Variants in TOPAZ1 observed in about 807,000 individuals in gnomAD.
TOPAZ1 encodes testis and ovary specific TOPAZ 1.
Under a neutral mutation model 172.2 loss-of-function variants are expected in TOPAZ1, and 66 were observed. That is an observed-to-expected ratio of 0.38 (90% CI 0.31 to 0.47). The LOEUF is 0.47. Among genes scored for constraint, TOPAZ1 ranks in the 20% least tolerant of loss-of-function variants. TOPAZ1 has a pLI of 0.99. For missense variants in TOPAZ1, 1,822 were observed against 1,972.4 expected, an observed-to-expected ratio of 0.92 and a Z score of 1.44; for synonymous variants, 681 against 683.9, an observed-to-expected ratio of 1.00 and a Z score of 0.07.
Position 44,242,178 on chromosome 3 carries a change from G to A in TOPAZ1, c.125G>A (p.Gly42Glu), listed in dbSNP as rs930583425. The A allele has an allele frequency of 1.5e-5, 23 of 1,545,224 alleles. No homozygotes were observed. Among genetic ancestry groups the A allele is most frequent in the East Asian group, 2.4e-5 (1 of 40,844 alleles). ...AAGGCGPEAG[G>E]CRENKQKRRM... The stretch of plus-strand genomic sequence containing the variant: ...GGAGGCTGTGGCCCTGAGGCCGGGG[G>A]GTGCCGGGAAAATAAGCAAAAGAGG... The change falls in exon 1 of 20, where the codon GGG (glycine) becomes GAG (glutamate). Residue 42 changes from glycine to glutamate, a missense_variant. Around this residue, in one of 2 missense-constraint regions of TOPAZ1, gnomAD observed 1,489 missense variants for 1,490.8 expected, o/e 1.00. Transcript: ENST00000309765.
chr3:44,280,781 C>G (rs1700014660), intron 8 of TOPAZ1, among the ~76,000 whole-genome samples: 1 of 152,322 alleles, frequency 6.6e-6, no homozygotes, highest in South Asian at 2.1e-4. Context: ...CCATTGGCTC[C>G]CACCTTAGCC....
rs1214534112 is a variant in TOPAZ1 at position 44,242,068 on chromosome 3, A to G, written c.15A>G (p.Pro5=). The G allele has an allele frequency of 2.6e-6, 4 of 1,545,038 alleles. No homozygotes were observed. The highest frequency in any genetic ancestry group is 1.4e-5 in the African/African-American group (1 of 72,818). The change falls in exon 1 of 20, where the codon CCA becomes CCG. Residue 5 remains proline, a synonymous_variant. Transcript: ENST00000309765. MRRP[P]PLGPTTASGP... is the part of the protein sequence containing the mutation. ...CCCCGGGGCACATGCGACGACCTCCACCCCTGGGCCCCACGACGGCCTCAG... is the reference window on the plus strand; with the variant it reads ...CCCCGGGGCACATGCGACGACCTCCGCCCCTGGGCCCCACGACGGCCTCAG...
intron 5 of TOPAZ1, among the ~76,000 whole-genome samples, chr3:44,266,440 C>G (rs1699831322): frequency 6.6e-6 from 1 of 152,222 alleles, no homozygotes; most frequent in Non-Finnish European, 1.5e-5. Flanking sequence ...GCCTTCCTCA[C>G]TAAGCTTAAT....
At chr3:44,268,947 A>G (rs573218468) in intron 6 of TOPAZ1, among the ~76,000 whole-genome samples, 23 of 152,312 alleles carry the variant, frequency 1.5e-4, no homozygotes, top group Admixed American at 1.4e-3. Context: ...ACAGTGCCCA[A>G]TGCTGCTATG....
intron 5 of TOPAZ1, among the ~76,000 whole-genome samples, chr3:44,266,720 C>T (rs2125684896): frequency 6.6e-6 from 1 of 152,100 alleles, no homozygotes; most frequent in Middle Eastern, 3.4e-3. Flanking sequence ...ACACTGATCA[C>T]TGATCATAGA....
At chr3:44,323,375 G>T (rs570679616) in intron 18 of TOPAZ1, 80 bp downstream of exon 18, 5 of 850,086 alleles carry the variant, frequency 5.9e-6, no homozygotes, top group African/African-American at 1.7e-5. Context: ...TATAAGATTA[G>T]ATATTTATAT....
At chr3:44,291,733 A>G (rs1378181340) in intron 12 of TOPAZ1, among the ~76,000 whole-genome samples, 1 of 152,158 alleles carries the variant, frequency 6.6e-6, no homozygotes, top group Non-Finnish European at 1.5e-5. Context: ...TACATAGAAA[A>G]AAAGATATAA....
At chr3:44,254,393 C>T (rs1317135212) in intron 2 of TOPAZ1, among the ~76,000 whole-genome samples, 5 of 151,974 alleles carry the variant, frequency 3.3e-5, no homozygotes, top group African/African-American at 1.2e-4. Context: ...TTTGGGAGTC[C>T]AAGGCCAATG....
intron 16 of TOPAZ1, among the ~76,000 whole-genome samples, chr3:44,320,178 G>A (rs1008594427): frequency 4.6e-5 from 7 of 152,122 alleles, no homozygotes; most frequent in African/African-American, 1.2e-4. Context: ...TTTGAGGGTC[G>A]TAGGTGGGTG....
Position 44,242,512 on chromosome 3 carries a change from A to T in TOPAZ1, c.346+113A>T, listed in dbSNP as rs370275967. The T allele has an allele frequency of 2.4e-5, 28 of 1,150,964 alleles. 1 individual carries two copies. In the African/African-American group the frequency reaches 2.7e-4, roughly 11 times the overall value. The allele number at this position is 1,150,964 out of a possible 1,614,324, so 71.3% of individuals were successfully genotyped here. ...CTGCATGGTTATTTCTGATGCACATAGTTGACCAGGAGATGGGAAAAATGG... is the reference window on the plus strand; with the variant it reads ...CTGCATGGTTATTTCTGATGCACATTGTTGACCAGGAGATGGGAAAAATGG... On this transcript the variant is annotated intron_variant, in intron 1 of 19. Coordinates refer to ENST00000309765, the MANE Select transcript of TOPAZ1 (RefSeq NM_001145030.2).
chr3:44,318,943 CA>C (rs1700480847), intron 16 of TOPAZ1, among the ~76,000 whole-genome samples: 1 of 151,498 alleles, frequency 6.6e-6, no homozygotes, highest in Non-Finnish European at 1.5e-5. Flanking sequence ...GATCGGCTGA[CA>C]AAAGTAGGAA....
chr3:44,264,477 A>C (rs1327342998), intron 5 of TOPAZ1, among the ~76,000 whole-genome samples: 1 of 152,214 alleles, frequency 6.6e-6, no homozygotes, highest in Non-Finnish European at 1.5e-5. Context: ...TTTTTACATC[A>C]TCTGAGCCTT....
chr3:44,288,809 C>T (rs1700105721), intron 11 of TOPAZ1, among the ~76,000 whole-genome samples: 1 of 152,014 alleles, frequency 6.6e-6, no homozygotes, highest in Admixed American at 6.5e-5. Context: ...ATAAAATTAC[C>T]CTTAGTGGAG....
Position 44,243,435 on chromosome 3 carries a change from C to T in TOPAZ1, c.929C>T (p.Ser310Phe). 1 of 1,551,598 alleles carries T rather than the reference C, an allele frequency of 6.4e-7. No homozygotes were observed. The highest frequency in any genetic ancestry group is 8.7e-7 in the Non-Finnish European group (1 of 1,146,936). ...LYQSKTNGLL[S>F]CLQHEKNKYS... is the part of the protein sequence containing the mutation. ...CAAAGTAAAACCAATGGCTTGCTTT[C>T]CTGCCTTCAACATGAAAAAAATAAA... is the stretch of plus-strand genomic sequence containing the variant. The change falls in exon 2 of 20, where the codon TCC becomes TTC. Residue 310 changes from serine to phenylalanine, a missense_variant. Ser to Phe is a radical substitution (Grantham distance 155). Coordinates refer to ENST00000309765, the MANE Select transcript of TOPAZ1 (RefSeq NM_001145030.2).
downstream of TOPAZ1, among the ~76,000 whole-genome samples, chr3:44,332,772 A>G (rs1316582091): frequency 6.7e-6 from 1 of 148,964 alleles, no homozygotes; most frequent in Non-Finnish European, 1.5e-5. Context: ...AAGGTGAGTA[A>G]TAAGTTGCGA....
intron 2 of TOPAZ1, among the ~76,000 whole-genome samples, chr3:44,247,595 A>G (rs1699580603): frequency 6.6e-6 from 1 of 152,152 alleles, no homozygotes; most frequent in African/African-American, 2.4e-5. Context: ...TTAGTACTCT[A>G]TTTAAATTGG....
At position 44,328,437 on chromosome 3, in the gene TOPAZ1, G is replaced by T; in HGVS notation, c.4859+4G>T. 6.7e-7 allele frequency: 1 copy of T among 1,496,056 alleles called. No individual in the cohort carries two copies. The highest frequency in any genetic ancestry group is 8.9e-7 in the Non-Finnish European group (1 of 1,126,924). The allele number at this position is 1,496,056 out of a possible 1,614,324, so 92.7% of individuals were successfully genotyped here. A position where few individuals can be genotyped will look rare whatever the true frequency, so the allele number is the denominator to read the frequency against. ...TACTGCAGATAGTTTTGAAAAGGTT[G>T]GTTGACATAACTTTAACTGCATTCT... On this transcript the variant is annotated splice_donor_region_variant and intron_variant, in intron 19 of 19. Coordinates refer to ENST00000309765, the MANE Select transcript of TOPAZ1 (RefSeq NM_001145030.2).
chr3:44,242,746 G>T, intron 1 of TOPAZ1, 107 bp from the exon 2 acceptor site: 1 of 904,992 alleles, frequency 1.1e-6, no homozygotes. Flanking sequence ...ACATACAGCT[G>T]TTCAGGGAAA....
chr3:44,269,660 G>A (rs780668387), intron 7 of TOPAZ1, among the ~76,000 whole-genome samples: 7 of 150,694 alleles, frequency 4.6e-5, no homozygotes, highest in African/African-American at 1.2e-4. Context: ...TGCTCTTGTC[G>A]TCTAGGCTGG....
Sources: allele counts gnomAD v4.1 joint callset (sites outside exome capture counted in the v4.1 genomes callset), GRCh38; gene constraint gnomAD v4.1.1; regional missense constraint gnomAD v4.1.1; transcripts MANE v1.5; gene names NCBI Gene and HGNC (gene_info 2026-07-23, HGNC 2026-07-21).